The following SRGAP3 variants were observed in gnomAD, a reference collection of about 807,000 sequenced individuals.
The protein encoded by SRGAP3 is SLIT-ROBO Rho GTPase-activating protein 3.
Under a neutral mutation model 121.1 loss-of-function variants are expected in SRGAP3, and 39 were observed. That is an observed-to-expected ratio of 0.32 (90% CI 0.25 to 0.42). The LOEUF is 0.42. Among genes scored for constraint, SRGAP3 ranks in the 10% least tolerant of loss-of-function variants. SRGAP3 has a pLI of 1.00. For missense variants in SRGAP3, 1,213 were observed against 1,470.6 expected (o/e 0.82, Z 2.86); for synonymous variants, 601 against 570.0 (o/e 1.05, Z -0.77).
intron 3 of SRGAP3, among the ~76,000 whole-genome samples, chr3:9,088,577 G>A (rs1947598565): frequency 1.3e-5 from 2 of 152,130 alleles, no homozygotes; most frequent in African/African-American, 4.8e-5. Context: ...CCCCCAGTGT[G>A]ACAACCAAAA....
chr3:9,326,923 A>G (rs1955529367), intron 2 of SRGAP3, among the ~76,000 whole-genome samples: 1 of 151,866 alleles, frequency 6.6e-6, no homozygotes, highest in Non-Finnish European at 1.5e-5. Flanking sequence ...TCTCCAAACA[A>G]GACCCAATGA....
chr3:9,316,311 A>G (rs1955345193), intron 3 of SRGAP3, among the ~76,000 whole-genome samples: 1 of 151,396 alleles, frequency 6.6e-6, no homozygotes, highest in Admixed American at 6.6e-5. Flanking sequence ...GGCCTCCCAA[A>G]GTGCTGGGAT....
At chr3:9,051,222 G>A (rs1945558851) in intron 9 of SRGAP3, among the ~76,000 whole-genome samples, 1 of 151,996 alleles carries the variant, frequency 6.6e-6, no homozygotes, top group Non-Finnish European at 1.5e-5. Context: ...TGTTGCCGAA[G>A]CTGGTCTCAA....
At chr3:9,283,439 G>A (rs1413036712) in intron 3 of SRGAP3, among the ~76,000 whole-genome samples, 1 of 152,150 alleles carries the variant, frequency 6.6e-6, no homozygotes, top group Non-Finnish European at 1.5e-5. Context: ...TCCAAACACT[G>A]TCACATTTTA....
chr3:9,249,237 ATT>A lies in SRGAP3; in HGVS notation c.-288_-287del. Reference sequence around the variant, plus strand: ...AGTAACCTGCCCCAGATTTTCAAAGATTTTTCTTCCAAAAATAATAATAATAG... The same window carrying A: ...AGTAACCTGCCCCAGATTTTCAAAGATTTCTTCCAAAAATAATAATAATAG... On this transcript the variant is annotated 5_prime_UTR_variant, in exon 1 of 22. An upstream open reading frame in the 5' UTR loses its in-frame stop. Coordinates refer to ENST00000383836, the MANE Select transcript of SRGAP3 (RefSeq NM_014850.4). The A allele has an allele frequency of 1.9e-6, 1 of 515,892 alleles. No homozygotes were observed. Among genetic ancestry groups the A allele is most frequent in the Admixed American group, 3.2e-5 (1 of 31,058 alleles). 32.0% of individuals were successfully genotyped at this position (515,892 alleles called of 1,614,324 possible).
At chr3:9,327,733 G>A (rs1420217133) in intron 2 of SRGAP3, among the ~76,000 whole-genome samples, 1 of 152,202 alleles carries the variant, frequency 6.6e-6, no homozygotes, top group East Asian at 1.9e-4. Context: ...ATTTTATGAA[G>A]CATTTAGGAG....
intron 1 of SRGAP3, chr3:9,219,618 A>T (rs1172064199): frequency 1.3e-5 from 2 of 152,276 alleles, no homozygotes; most frequent in Non-Finnish European, 2.9e-5. Flanking sequence ...TGGGAGGCCA[A>T]GGCGGGTGGA....
intron 1 of SRGAP3, among the ~76,000 whole-genome samples, chr3:9,190,553 G>A (rs1250425006): frequency 5.3e-5 from 8 of 152,128 alleles, no homozygotes; most frequent in Non-Finnish European, 8.8e-5. Context: ...AGAAAGAGGC[G>A]CCCATCGATG....
chr3:9,037,633 G>C, intron 11 of SRGAP3: 1 of 250,456 alleles, frequency 4.0e-6, no homozygotes, highest in East Asian at 9.6e-5. Context: ...CCAAAGCCTT[G>C]GTACATGGGG....
At chr3:9,030,402 C>T (rs993549960) in intron 12 of SRGAP3, among the ~76,000 whole-genome samples, 10 of 152,216 alleles carry the variant, frequency 6.6e-5, no homozygotes, top group East Asian at 1.9e-4. Flanking sequence ...CCAATGGCAT[C>T]GCAAAGCTCA....
At chr3:9,041,330 G>A (rs773066995) in intron 10 of SRGAP3, among the ~76,000 whole-genome samples, 6 of 152,216 alleles carry the variant, frequency 3.9e-5, no homozygotes, top group African/African-American at 7.2e-5. Context: ...ATATGCCTCC[G>A]ACCCAGGGAC....
intron 3 of SRGAP3, among the ~76,000 whole-genome samples, chr3:9,299,051 C>CAAAAAAAAAA (rs71049787): frequency 1.4e-5 from 1 of 70,388 alleles, no homozygotes; most frequent in African/African-American, 6.6e-5. Flanking sequence ...GACTCCATCT[C>CAAAAAAAAAA]AAAAAAAAAA....
At chr3:9,329,490 G>A (rs563126225) in intron 2 of SRGAP3, among the ~76,000 whole-genome samples, 1 of 152,162 alleles carries the variant, frequency 6.6e-6, no homozygotes, top group African/African-American at 2.4e-5. Context: ...AACCAGCAAG[G>A]CTTACATTTG....
At chr3:9,163,286 C>T (rs115517361) in intron 1 of SRGAP3, among the ~76,000 whole-genome samples, 278 of 152,340 alleles carry the variant, frequency 1.8e-3, no homozygotes, top group African/African-American at 6.1e-3. Flanking sequence ...TTCCAACCTG[C>T]GGCTCCAAGC....
chr3:9,073,599 C>T (rs184469594), intron 4 of SRGAP3, among the ~76,000 whole-genome samples: 4 of 152,346 alleles, frequency 2.6e-5, no homozygotes, highest in Non-Finnish European at 5.9e-5. Flanking sequence ...CCTCAGATTT[C>T]TCATCCCTAA....
chr3:9,130,360 G>T (rs1368014738), intron 1 of SRGAP3, among the ~76,000 whole-genome samples: 3 of 152,280 alleles, frequency 2.0e-5, no homozygotes, highest in East Asian at 1.9e-4. Flanking sequence ...CTCTTAGATG[G>T]TCTACCTGTT....
intron 3 of SRGAP3, chr3:9,256,770 T>C (rs1954141288): frequency 2.5e-6 from 1 of 396,676 alleles, no homozygotes; most frequent in South Asian, 1.3e-4. Context: ...TCCGCCTGCA[T>C]TCTGCCCCTG....
chr3:9,167,585 G>A (rs1950835587), intron 1 of SRGAP3, among the ~76,000 whole-genome samples: 2 of 152,088 alleles, frequency 1.3e-5, no homozygotes, highest in African/African-American at 4.8e-5. Context: ...CAGGAAGTTG[G>A]GACCGCATTC....
At chr3:9,286,246 G>A (rs1184738829) in intron 3 of SRGAP3, among the ~76,000 whole-genome samples, 7 of 151,590 alleles carry the variant, frequency 4.6e-5, no homozygotes, top group South Asian at 2.1e-4. Context: ...CTTTCTTCTC[G>A]TTTATCTGTC....
Sources: allele counts gnomAD v4.1 joint callset (sites outside exome capture counted in the v4.1 genomes callset), GRCh38; gene constraint gnomAD v4.1.1; transcripts MANE v1.5; gene names NCBI Gene and HGNC (gene_info 2026-07-23, HGNC 2026-07-21).